The following HRH4 variants were observed in gnomAD, a reference collection of about 807,000 sequenced individuals.
HRH4 encodes histamine receptor H4, also known as histamine H4 receptor.
Under a neutral mutation model 10.4 loss-of-function variants are expected in HRH4, and 12 were observed. The observed-to-expected ratio is 1.15, with a 90% CI of 0.74 to 1.87. HRH4 has a LOEUF of 1.87. Among genes scored for constraint, HRH4 ranks in the 40% most tolerant of loss-of-function variants. HRH4 has a pLI of 0.00. For synonymous variants in HRH4, 154 were observed against 166.6 expected (o/e 0.92, Z 0.58); for missense variants, 415 against 453.3 (o/e 0.92, Z 0.77).
chr18:24,466,209 C>A (rs1462383056), intron 1 of HRH4, among the ~76,000 whole-genome samples: 3 of 151,560 alleles, frequency 2.0e-5, no homozygotes, highest in Admixed American at 2.0e-4. Flanking sequence ...ACCTCCCTGG[C>A]TCAAATGATC....
chr18:24,465,145 G>A (rs951717954), intron 1 of HRH4, among the ~76,000 whole-genome samples: 3 of 151,968 alleles, frequency 2.0e-5, no homozygotes, highest in Non-Finnish European at 2.9e-5. Context: ...AAAATTAGCC[G>A]GGCGTGGTGG....
chr18:24,468,899 T>G lies in HRH4; in HGVS notation c.305T>G (p.Val102Gly), dbSNP rs1169285626. The G allele has an allele frequency of 6.2e-7, 1 of 1,613,454 alleles. No individual in the cohort carries two copies. ...TTDYLLCTAS[V>G]YNIVLISYDR... ...GACTATCTGTTATGTACAGCATCTG[T>G]ATATAACATTGTCCTCATCAGCTAT... is the stretch of plus-strand genomic sequence containing the variant. The change falls in exon 2 of 3, where the codon GTA becomes GGA. Residue 102 changes from valine (V) to glycine (G), a missense_variant. Coordinates refer to ENST00000256906, the MANE Select transcript of HRH4 (RefSeq NM_021624.4).
chr18:24,469,450 C>G (rs1909875192), intron 2 of HRH4, among the ~76,000 whole-genome samples: 1 of 152,188 alleles, frequency 6.6e-6, no homozygotes. Flanking sequence ...TCCTCATGCC[C>G]TTTTAGAACC....
chr18:24,461,469 T>C lies in HRH4; in HGVS notation c.193+548T>C, dbSNP rs565674880. ...AATATGATATCATAGCATTATATCA[T>C]CGTTAAGAGACCATAGAAATCAAAC... is the stretch of plus-strand genomic sequence containing the variant. On this transcript the variant is annotated intron_variant, in intron 1 of 2. Coordinates refer to ENST00000256906, the MANE Select transcript of HRH4 (RefSeq NM_021624.4). Among the ~76,000 whole-genome samples, 41 of 152,308 alleles carry C rather than the reference T, an allele frequency of 2.7e-4. No homozygotes were observed. The South Asian group carries it at 8.3e-3, about 31-fold the overall frequency.
At chr18:24,466,029 G>T (rs966165544) in intron 1 of HRH4, among the ~76,000 whole-genome samples, 2 of 152,032 alleles carry the variant, frequency 1.3e-5, no homozygotes, top group African/African-American at 4.8e-5. Context: ...AGCCACAACC[G>T]TGGGCTGAAA....
rs1405930623 is a variant in HRH4 at position 24,479,137 on chromosome 18, T to C, written c.*1575T>C. On this transcript the variant is annotated 3_prime_UTR_variant, in exon 3 of 3. Coordinates refer to ENST00000256906, the MANE Select transcript of HRH4 (RefSeq NM_021624.4). The stretch of plus-strand genomic sequence containing the variant: ...TTTGCCATTTTGGTCAGGCTGGAAT[T>C]TTTTTTTTTTTAATTTTGATAAGAC... 6.7e-5 allele frequency: 10 copies of C among 148,452 alleles called. No individual in the cohort carries two copies. Among genetic ancestry groups the C allele is most frequent in the Non-Finnish European group, 1.2e-4 (8 of 66,788 alleles). The allele number at this position is 148,452 out of a possible 1,614,324, so 9.2% of individuals were successfully genotyped here.
chr18:24,463,545 C>T (rs1407509392), intron 1 of HRH4, among the ~76,000 whole-genome samples: 2 of 152,196 alleles, frequency 1.3e-5, no homozygotes, highest in African/African-American at 2.4e-5. Flanking sequence ...GGGCAGAACT[C>T]GTGAGAGGTT....
intron 1 of HRH4, among the ~76,000 whole-genome samples, chr18:24,462,973 A>G (rs758910389): frequency 2.1e-4 from 32 of 152,182 alleles, no homozygotes; most frequent in Non-Finnish European, 4.4e-4. Flanking sequence ...GATGACAGTC[A>G]TCACTTAAAA....
At chr18:24,476,705 C>A in intron 2 of HRH4, 42 bp from the exon 3 acceptor site, 1 of 1,405,102 alleles carries the variant, frequency 7.1e-7, no homozygotes, top group South Asian at 1.2e-5. Flanking sequence ...ATGCATTCAA[C>A]ATACACATTC....
rs776628029 is a variant in HRH4 at position 24,477,485 on chromosome 18, CA to C, written c.1100del (p.Lys367ArgfsTer4). On this transcript the variant is annotated frameshift_variant, in exon 3 of 3. Transcript: ENST00000256906. LOFTEE classifies it low-confidence loss of function (END_TRUNC). ...GTATCCATTGTGTCACAAGCGCTTT[CA>C]AAAGGCTTTCTTGAAAATATTTTGT... Reference protein sequence around the residue: ...LLYPLCHKRFQKAFLKIFCIK... With the variant: ...LLYPLCHKRFXKAFLKIFCIK... 8.7e-6 allele frequency: 14 copies of C among 1,611,386 alleles called. No individual in the cohort carries two copies. The highest frequency in any genetic ancestry group is 3.3e-4 in the Middle Eastern group (2 of 6,064).
chr18:24,466,523 A>C (rs190374782), intron 1 of HRH4, among the ~76,000 whole-genome samples: 137 of 152,158 alleles, frequency 9.0e-4, no homozygotes, highest in Non-Finnish European at 1.6e-3. Context: ...TGAAACATGA[A>C]ACAAACAGGT....
Position 24,477,552 on chromosome 18 carries a change from T to TTGTGTTAAAGACAC in HRH4, c.1163_1164insTGTGTTAAAGACAC (p.Ser389ValfsTer23). On this transcript the variant is annotated frameshift_variant, in exon 3 of 3. Transcript: ENST00000256906. LOFTEE classifies it high-confidence loss of function. ...CTACCATCACAACACAGTCGGTCAG[T>TTGTGTTAAAGACAC]ATCTTCTTAAAGACAATTTTCTCAC... 1 of 1,563,770 alleles carries TTGTGTTAAAGACAC rather than the reference T, an allele frequency of 6.4e-7. No individual in the cohort carries two copies. The highest frequency in any genetic ancestry group is 2.0e-5 in the Admixed American group (1 of 50,284).
chr18:24,475,264 A>C (rs916460395), intron 2 of HRH4, among the ~76,000 whole-genome samples: 2 of 146,636 alleles, frequency 1.4e-5, no homozygotes, highest in African/African-American at 5.1e-5. Context: ...CCACAGTCAT[A>C]TCTCTCAAAG....
At chr18:24,465,845 T>A (rs533513608) in intron 1 of HRH4, among the ~76,000 whole-genome samples, 37 of 152,244 alleles carry the variant, frequency 2.4e-4, no homozygotes, top group African/African-American at 8.9e-4. Flanking sequence ...GAACACACCT[T>A]TCCTCTTTTG....
Position 24,470,796 on chromosome 18 carries a change from G to A in HRH4, c.357+1845G>A, listed in dbSNP as rs149404855. On this transcript the variant is annotated intron_variant, in intron 2 of 2. Coordinates refer to ENST00000256906, the MANE Select transcript of HRH4 (RefSeq NM_021624.4). ...TGGGATTACAGGCATGAGCCACTGC[G>A]CCTAGCCCATATTTGTTTCACGGAC... Among the ~76,000 whole-genome samples the A allele has an allele frequency of 4.4e-4, 66 of 150,930 alleles. No homozygotes were observed. In the East Asian group the frequency reaches 0.01, roughly 24 times the overall value.
Position 24,460,709 on chromosome 18 carries a change from CT to C in HRH4, c.-18del, listed in dbSNP as rs1203718873. ...GGCTGGATTAATTTGCTAATTTGAC[CT>C]TCTTCATCATTTGATGTGATGCCAG... On this transcript the variant is annotated 5_prime_UTR_variant, in exon 1 of 3. Transcript: ENST00000256906. 2.0e-6 allele frequency: 3 copies of C among 1,463,914 alleles called. No homozygotes were observed. In the East Asian group the frequency reaches 7.0e-5, roughly 34 times the overall value. 90.7% of individuals were successfully genotyped at this position (1,463,914 alleles called of 1,614,324 possible).
intron 2 of HRH4, among the ~76,000 whole-genome samples, chr18:24,471,394 C>G (rs1301869277): frequency 1.3e-5 from 2 of 151,364 alleles, no homozygotes; most frequent in Admixed American, 6.6e-5. Flanking sequence ...CTCTTGAGGT[C>G]AGGAGTTGGA....
intron 2 of HRH4, among the ~76,000 whole-genome samples, chr18:24,471,680 T>A (rs1180038907): frequency 6.6e-6 from 1 of 151,236 alleles, no homozygotes; most frequent in Admixed American, 6.6e-5. Context: ...TCAGATTATC[T>A]TGTACATAAT....
Position 24,477,208 on chromosome 18 carries a change from T to G in HRH4, c.819T>G (p.Ala273=). Residue 273 remains alanine (A), a synonymous_variant, in exon 3 of 3, where the codon GCT becomes GCG. Coordinates refer to ENST00000256906, the MANE Select transcript of HRH4 (RefSeq NM_021624.4). ...SRTKMNSNTI[A]SKMGSFSQSD... is the part of the protein sequence containing the mutation. ...CCAAGATGAATAGCAATACAATTGCTTCCAAAATGGGTTCCTTCTCCCAAT... is the reference window on the plus strand; with the variant it reads ...CCAAGATGAATAGCAATACAATTGCGTCCAAAATGGGTTCCTTCTCCCAAT... 1 of 1,614,214 alleles carries G rather than the reference T, an allele frequency of 6.2e-7. No homozygotes were observed. Among genetic ancestry groups the G allele is most frequent in the Non-Finnish European group, 8.5e-7 (1 of 1,180,026 alleles).
Sources: allele counts gnomAD v4.1 joint callset (sites outside exome capture counted in the v4.1 genomes callset), GRCh38; gene constraint gnomAD v4.1.1; transcripts MANE v1.5; gene names NCBI Gene and HGNC (gene_info 2026-07-23, HGNC 2026-07-21).